The following MEI4 variants were observed in gnomAD, a reference collection of about 807,000 sequenced individuals.
The protein encoded by MEI4 is meiosis-specific protein MEI4.
MEI4 carries 27 observed loss-of-function variants against 31.4 expected under a neutral mutation model. That is an observed-to-expected ratio of 0.86 (90% CI 0.63 to 1.19). MEI4 has a LOEUF of 1.19. Ranked by LOEUF, MEI4 falls within the 50% of genes most tolerant of loss-of-function variation. The probability of loss-of-function intolerance (pLI) is 0.00; values close to 1 mark genes in which losing one functional copy is unlikely to be tolerated. For missense variants in MEI4, 329 were observed against 398.9 expected (o/e 0.82, Z 1.49); for synonymous variants, 122 against 145.4 (o/e 0.84, Z 1.16).
intron 3 of MEI4, among the ~76,000 whole-genome samples, chr6:77,783,418 A>G (rs930600297): frequency 7.9e-5 from 12 of 152,234 alleles, no homozygotes; most frequent in African/African-American, 2.2e-4. Flanking sequence ...ACCATGAAAA[A>G]TCAGATGAAG....
intron 3 of MEI4, among the ~76,000 whole-genome samples, chr6:77,775,299 C>G (rs569780459): frequency 2.4e-4 from 37 of 152,272 alleles, no homozygotes; most frequent in Non-Finnish European, 4.0e-4. Flanking sequence ...GCAGTGTACA[C>G]TGTACCCAGT....
Position 77,845,048 on chromosome 6 carries a change from C to A in MEI4, c.900+15986C>A, listed in dbSNP as rs527982299. Among the ~76,000 whole-genome samples the A allele has an allele frequency of 4.6e-5, 7 of 152,232 alleles. No homozygotes were observed. The South Asian group carries it at 1.4e-3, about 31-fold the overall frequency. On this transcript the variant is annotated intron_variant, in intron 4 of 4. Coordinates refer to ENST00000684080, the MANE Select transcript of MEI4 (RefSeq NM_001322247.2). Reference sequence around the variant, plus strand: ...TAGCAAGAATTCACACTACCTTGCCCTGTGAGTCTTTTTTTCCCCCTAGCT... The same window carrying A: ...TAGCAAGAATTCACACTACCTTGCCATGTGAGTCTTTTTTTCCCCCTAGCT...
At chr6:77,666,981 A>G (rs1768651264) in intron 1 of MEI4, among the ~76,000 whole-genome samples, 1 of 152,102 alleles carries the variant, frequency 6.6e-6, no homozygotes, top group African/African-American at 2.4e-5. Context: ...AGGGAAGTGC[A>G]TTCCTATCAA....
intron 2 of MEI4, among the ~76,000 whole-genome samples, chr6:77,734,772 C>A (rs1767132654): frequency 6.6e-6 from 1 of 151,926 alleles, no homozygotes; most frequent in Admixed American, 6.5e-5. Flanking sequence ...GTGGCTGTTA[C>A]TGGTTGTTCC....
intron 4 of MEI4, among the ~76,000 whole-genome samples, chr6:77,851,880 C>G (rs1445564756): frequency 6.6e-6 from 1 of 151,970 alleles, no homozygotes; most frequent in African/African-American, 2.4e-5. Flanking sequence ...CTTTAATGAC[C>G]TAGACATATA....
In MEI4 at chr6:77,872,003, C is replaced by G. The variant is rs187034042; in HGVS notation, c.900+42941C>G. On this transcript the variant is annotated intron_variant, in intron 4 of 4. Transcript: ENST00000684080. ...TATTTGTTTTCAAATGTGATTTTAT[C>G]TAAATTTCCCCAAGACTCCAAGTTT... Among the ~76,000 whole-genome samples, 517 of 152,216 alleles carry G rather than the reference C, an allele frequency of 3.4e-3. 2 individuals are homozygous for G. Among genetic ancestry groups the G allele is most frequent in the Middle Eastern group, 0.014 (4 of 294 alleles).
intron 2 of MEI4, among the ~76,000 whole-genome samples, chr6:77,747,404 C>G (rs915948327): frequency 6.6e-6 from 1 of 152,238 alleles, no homozygotes; most frequent in Middle Eastern, 3.4e-3. Flanking sequence ...TTCCAAATGG[C>G]TAGGGAGCCC....
chr6:77,708,060 G>A (rs557612941), intron 2 of MEI4, among the ~76,000 whole-genome samples: 1 of 152,188 alleles, frequency 6.6e-6, no homozygotes, highest in African/African-American at 2.4e-5. Context: ...TCCCACTGGG[G>A]CACTGTCTAG....
At chr6:77,680,563 G>A (rs1266392252) in intron 1 of MEI4, among the ~76,000 whole-genome samples, 2 of 152,162 alleles carry the variant, frequency 1.3e-5, no homozygotes, top group Admixed American at 6.5e-5. Flanking sequence ...CCTGGAATAA[G>A]TTAAGGAATG....
At chr6:77,899,768 T>G (rs1358768012) in intron 4 of MEI4, among the ~76,000 whole-genome samples, 1 of 152,064 alleles carries the variant, frequency 6.6e-6, no homozygotes, top group Non-Finnish European at 1.5e-5. Flanking sequence ...TATGACTGAA[T>G]AGTATTCCAC....
intron 3 of MEI4, among the ~76,000 whole-genome samples, chr6:77,804,097 C>G (rs935922547): frequency 6.6e-6 from 1 of 152,300 alleles, no homozygotes; most frequent in African/African-American, 2.4e-5. Flanking sequence ...AGGCAGGCCT[C>G]CTTGAGGTGC....
intron 4 of MEI4, among the ~76,000 whole-genome samples, chr6:77,875,968 G>A (rs1002239060): frequency 2.6e-5 from 4 of 152,068 alleles, no homozygotes; most frequent in African/African-American, 9.7e-5. Flanking sequence ...TCTGGAATGT[G>A]ATGATATAAA....
rs1480425079 is a variant in MEI4, at chr6:77,924,359, G to A, written c.*1013G>A. On this transcript the variant is annotated 3_prime_UTR_variant, in exon 5 of 5. Coordinates refer to ENST00000684080, the MANE Select transcript of MEI4 (RefSeq NM_001322247.2). ...CAATGTATATACAATTATGTCATCT[G>A]GCACAAACAATTATCTTTGGAATTA... The A allele has an allele frequency of 6.6e-6, 1 of 151,754 alleles. No homozygotes were observed. Among genetic ancestry groups the A allele is most frequent in the Non-Finnish European group, 1.5e-5 (1 of 67,870 alleles). 9.4% of individuals were successfully genotyped at this position (151,754 alleles called of 1,614,324 possible).
intron 1 of MEI4, among the ~76,000 whole-genome samples, chr6:77,669,653 C>T (rs887407356): frequency 1.3e-5 from 2 of 152,182 alleles, no homozygotes; most frequent in African/African-American, 4.8e-5. Context: ...ATTATATATA[C>T]ATTTTATACA....
intron 3 of MEI4, among the ~76,000 whole-genome samples, chr6:77,774,661 C>T (rs1229136502): frequency 6.6e-6 from 1 of 151,876 alleles, no homozygotes; most frequent in Admixed American, 6.6e-5. Context: ...GTTATCATAG[C>T]ATATATGCCT....
chr6:77,731,204 C>T (rs1344924092), intron 2 of MEI4, among the ~76,000 whole-genome samples: 2 of 150,490 alleles, frequency 1.3e-5, no homozygotes, highest in East Asian at 2.0e-4. Flanking sequence ...AATCGCCACA[C>T]TGACTTCCAC....
upstream of MEI4, among the ~76,000 whole-genome samples, chr6:77,651,937 G>T (rs995440813): frequency 1.3e-5 from 2 of 152,152 alleles, no homozygotes; most frequent in African/African-American, 2.4e-5. Flanking sequence ...AAAATGTTAC[G>T]TTACACCATG....
intron 1 of MEI4, among the ~76,000 whole-genome samples, chr6:77,669,426 C>T (rs1025560627): frequency 2.0e-5 from 3 of 152,134 alleles, no homozygotes; most frequent in African/African-American, 7.2e-5. Flanking sequence ...TCTGCACCAT[C>T]TTTTGCAGAA....
chr6:77,755,610 G>A (rs1767895989), intron 2 of MEI4, among the ~76,000 whole-genome samples: 1 of 151,778 alleles, frequency 6.6e-6, no homozygotes, highest in Admixed American at 6.6e-5. Context: ...GTAGAGATGG[G>A]GTTTTACCAT....
Sources: gnomAD v4.1 joint callset for allele counts (sites outside exome capture counted in the v4.1 genomes callset) on GRCh38, gnomAD v4.1.1 for gene constraint, MANE v1.5 for transcripts, NCBI Gene and HGNC (gene_info 2026-07-23, HGNC 2026-07-21) for gene names.